The following CFAP299 variants were observed in gnomAD, a reference collection of about 807,000 sequenced individuals.
The protein encoded by CFAP299 is cilia and flagella associated protein 299.
A neutral mutation model predicts 27.0 loss-of-function variants in CFAP299; 21 were observed. The ratio of observed to expected loss-of-function variants is 0.78; its 90% CI spans 0.55 to 1.12. The LOEUF (loss-of-function observed/expected upper bound fraction) is 1.12, where lower values mean the gene tolerates loss of function less well. CFAP299 is among the 50% of genes most tolerant of loss of function. The pLI is 0.00. For missense variants in CFAP299, 310 were observed against 276.6 expected, an observed-to-expected ratio of 1.12 and a Z score of -0.86; for synonymous variants, 104 against 98.1, an observed-to-expected ratio of 1.06 and a Z score of -0.36.
At chr4:80,329,688 AT>A in the CFAP299 span, among the ~76,000 whole-genome samples, 1 of 151,804 alleles carries the variant, frequency 6.6e-6, no homozygotes, top group African/African-American at 2.4e-5. Flanking sequence ...AAGTCTAGTG[AT>A]TTTTTTTCCC....
intron 2 of CFAP299, among the ~76,000 whole-genome samples, chr4:80,512,018 G>T (rs545677559): frequency 1.3e-4 from 20 of 151,992 alleles, no homozygotes; most frequent in Non-Finnish European, 2.8e-4. Context: ...TTAAACAAGG[G>T]TCTCCTGGCC....
intron 2 of CFAP299, among the ~76,000 whole-genome samples, chr4:80,537,752 A>G (rs1733811732): frequency 6.6e-6 from 1 of 152,026 alleles, no homozygotes; most frequent in Admixed American, 6.6e-5. Context: ...GTGGAGATCC[A>G]TTGTATAGCA....
intron 3 of CFAP299, among the ~76,000 whole-genome samples, chr4:80,591,104 AATTTTTTTTTTTTT>A (rs1736729748): frequency 1.7e-5 from 2 of 116,498 alleles, no homozygotes; most frequent in Non-Finnish European, 3.4e-5. Context: ...TACTTTAGGA[AATTTTTTTTTTTTT>A]TTTTTTTTTT....
At chr4:80,767,478 G>A (rs907193670) in intron 3 of CFAP299, among the ~76,000 whole-genome samples, 1 of 152,050 alleles carries the variant, frequency 6.6e-6, no homozygotes, top group Admixed American at 6.5e-5. Context: ...GCGTGGTGGT[G>A]GACGCCTGTA....
rs766517880 is a variant in CFAP299 at position 80,870,027 on chromosome 4, G to A, written c.368G>A (p.Gly123Glu). The change falls in exon 4 of 6, where the codon GGG becomes GAG. Residue 123 changes from glycine (G) to glutamate (E), a missense_variant. Gly to Glu is a moderately conservative substitution (Grantham distance 98). Coordinates refer to ENST00000358105, the MANE Select transcript of CFAP299 (RefSeq NM_152770.3). Reference protein sequence around the residue: ...VIFIRDRNSHGQEISGYIDYA... With the variant: ...VIFIRDRNSHEQEISGYIDYA... ...TTTATTCGTGACAGAAATTCTCATG[G>A]GCAAGAGATATCAGGATACATCGAC... The A allele has an allele frequency of 6.2e-7, 1 of 1,612,856 alleles. No homozygotes were observed. Among genetic ancestry groups the A allele is most frequent in the South Asian group, 1.1e-5 (1 of 90,912 alleles).
chr4:80,523,829 T>G (rs1205314495), intron 2 of CFAP299, among the ~76,000 whole-genome samples: 1 of 152,258 alleles, frequency 6.6e-6, no homozygotes, highest in Admixed American at 6.5e-5. Flanking sequence ...TAAAATTTTT[T>G]CTATATATTC....
In CFAP299 at chr4:80,893,393, T is replaced by A. The variant is rs144709571; in HGVS notation, c.476+23258T>A. Among the ~76,000 whole-genome samples, 59 of 152,002 alleles carry A rather than the reference T, an allele frequency of 3.9e-4. No homozygotes were observed. In the East Asian group the frequency reaches 0.01, roughly 26 times the overall value. On this transcript the variant is annotated intron_variant, in intron 4 of 5. Coordinates refer to ENST00000358105, the MANE Select transcript of CFAP299 (RefSeq NM_152770.3). ...CAAAATCCTAAAATTCATACAGAAC[T>A]ATGAAAAACGTCAAATACCCAAAGC...
At chr4:80,902,366 T>C (rs2110196344) in intron 4 of CFAP299, among the ~76,000 whole-genome samples, 1 of 145,936 alleles carries the variant, frequency 6.9e-6, no homozygotes, top group East Asian at 2.0e-4. Context: ...ATGGATAAAA[T>C]ATAGATTATA....
At chr4:80,960,706 A>G (rs1466702759) in intron 5 of CFAP299, among the ~76,000 whole-genome samples, 1 of 151,890 alleles carries the variant, frequency 6.6e-6, no homozygotes, top group East Asian at 1.9e-4. Flanking sequence ...AACTATTCAT[A>G]TTAAAAGGAC....
intron 1 of CFAP299, among the ~76,000 whole-genome samples, chr4:80,345,627 G>A (rs186302137): frequency 1.5e-3 from 229 of 152,238 alleles, no homozygotes; most frequent in African/African-American, 5.1e-3. Context: ...TGGCTGCATA[G>A]TATTCCATGG....
At chr4:80,916,295 A>ATATATATAT (rs1405206483) in intron 4 of CFAP299, among the ~76,000 whole-genome samples, 2 of 125,570 alleles carry the variant, frequency 1.6e-5, no homozygotes, top group African/African-American at 6.4e-5. Context: ...ATATATATAT[A>ATATATATAT]TTTCAGGTAC....
chr4:80,609,485 G>A (rs558521095), intron 3 of CFAP299, among the ~76,000 whole-genome samples: 1 of 151,912 alleles, frequency 6.6e-6, no homozygotes, highest in African/African-American at 2.4e-5. Flanking sequence ...AAGTGTAAAG[G>A]TTATTTAGAT....
intron 3 of CFAP299, among the ~76,000 whole-genome samples, chr4:80,735,347 T>C (rs925151874): frequency 6.6e-6 from 1 of 152,132 alleles, no homozygotes; most frequent in Non-Finnish European, 1.5e-5. Flanking sequence ...GTGGAGTCTT[T>C]AGGATTTTCA....
chr4:80,589,632 C>T (rs977440949), intron 3 of CFAP299, among the ~76,000 whole-genome samples: 17 of 151,940 alleles, frequency 1.1e-4, no homozygotes, highest in Admixed American at 1.0e-3. Flanking sequence ...AACAACTGAA[C>T]AGATTATAAA....
chr4:80,632,276 G>A (rs941130596), intron 3 of CFAP299, among the ~76,000 whole-genome samples: 1 of 138,726 alleles, frequency 7.2e-6, no homozygotes, highest in South Asian at 2.4e-4. Flanking sequence ...CTTTAATAAA[G>A]AACAAATATG....
intron 3 of CFAP299, among the ~76,000 whole-genome samples, chr4:80,661,355 A>G (rs917581441): frequency 6.6e-6 from 1 of 151,348 alleles, no homozygotes; most frequent in Non-Finnish European, 1.5e-5. Context: ...ATGTTGCGGG[A>G]AGTCAGGAAC....
chr4:80,929,336 C>T (rs1187417633), intron 4 of CFAP299, among the ~76,000 whole-genome samples: 1 of 151,926 alleles, frequency 6.6e-6, no homozygotes, highest in Non-Finnish European at 1.5e-5. Context: ...CTCTACTACC[C>T]ATCCAGTCTC....
chr4:80,521,610 C>T (rs1295445145), intron 2 of CFAP299, among the ~76,000 whole-genome samples: 1 of 151,960 alleles, frequency 6.6e-6, no homozygotes, highest in Admixed American at 6.6e-5. Context: ...GACAACAGCT[C>T]ACCACTTCCC....
chr4:80,709,055 T>G (rs1721986327), intron 3 of CFAP299, among the ~76,000 whole-genome samples: 1 of 152,172 alleles, frequency 6.6e-6, no homozygotes, highest in Non-Finnish European at 1.5e-5. Context: ...CATTTTAACT[T>G]TTCTCAATAG....
Sources: gnomAD v4.1 joint callset for allele counts (sites outside exome capture counted in the v4.1 genomes callset) on GRCh38, gnomAD v4.1.1 for gene constraint, MANE v1.5 for transcripts, NCBI Gene and HGNC (gene_info 2026-07-23, HGNC 2026-07-21) for gene names.